PCDHGA7: variants seen among roughly 807,000 people sequenced by gnomAD.
The protein encoded by PCDHGA7 is protocadherin gamma subfamily A, 7, also known as protocadherin gamma-A7.
A neutral mutation model predicts 58.3 loss-of-function variants in PCDHGA7; 44 were observed. The observed-to-expected ratio is 0.75, with a 90% CI of 0.59 to 0.97. PCDHGA7 has a LOEUF of 0.97. PCDHGA7 is among the 50% of genes least tolerant of loss of function. The pLI is 0.00. For missense variants in PCDHGA7, 1,266 were observed against 1,188.7 expected (o/e 1.06, Z -0.96); for synonymous variants, 516 against 504.2 (o/e 1.02, Z -0.31).
chr5:141,471,562 G>T (rs2099259935), intron 1 of PCDHGA7: 1 of 152,136 alleles, frequency 6.6e-6, no homozygotes, highest in Non-Finnish European at 1.5e-5. Flanking sequence ...TTGACTCAGG[G>T]GTAGCAGTAG....
intron 2 of PCDHGA7, among the ~76,000 whole-genome samples, chr5:141,504,036 G>T (rs1472706342): frequency 6.6e-6 from 1 of 152,080 alleles, no homozygotes; most frequent in African/African-American, 2.4e-5. Flanking sequence ...ACTCATTTAG[G>T]CAACAAATAT....
chr5:141,405,595 A>C (rs1255161296), intron 1 of PCDHGA7: 1 of 578,138 alleles, frequency 1.7e-6, no homozygotes, highest in Non-Finnish European at 3.1e-6. Flanking sequence ...CAGGCCTCCC[A>C]AGTAGAATAA....
rs375915850 is a variant in PCDHGA7, at chr5:141,397,975, G to A, written c.2424+12652G>A. The A allele has an allele frequency of 2.3e-4, 272 of 1,189,006 alleles. 1 individual carries two copies. Among genetic ancestry groups the A allele is most frequent in the African/African-American group, 9.9e-4 (64 of 64,918 alleles). 73.7% of individuals were successfully genotyped at this position (1,189,006 alleles called of 1,614,324 possible). ...GCCCCAGCTCAGACTCCCCAGCGCC[G>A]GCCTTTACACCGCTTCCTCCTCGGA... On this transcript the variant is annotated intron_variant, in intron 1 of 3. Transcript: ENST00000518325.
intron 1 of PCDHGA7, chr5:141,389,727 T>C (rs1176419914): frequency 4.3e-6 from 7 of 1,612,724 alleles, no homozygotes; most frequent in Non-Finnish European, 5.9e-6. Context: ...GCCCGGGCTC[T>C]TCAGCCTGGG....
chr5:141,482,767 A>AGCTAGTACTATAATTATTTTTATTAGTTC (rs1370824281), intron 1 of PCDHGA7, among the ~76,000 whole-genome samples: 2 of 150,588 alleles, frequency 1.3e-5, no homozygotes, highest in African/African-American at 2.5e-5. Context: ...TTTCATTATC[A>AGCTAGTACTATAATTATTTTTATTAGTTC]CTGAACCTTA....
At chr5:141,399,959 G>A (rs1257286209) in intron 1 of PCDHGA7, 4 of 1,612,230 alleles carry the variant, frequency 2.5e-6, no homozygotes, top group South Asian at 1.1e-5. Flanking sequence ...AGCGAGCCCG[G>A]GCTCTTCAGC....
intron 1 of PCDHGA7, chr5:141,394,899 G>A: frequency 6.2e-7 from 1 of 1,613,804 alleles, no homozygotes; most frequent in Admixed American, 1.7e-5. Context: ...TCTCGTGGTG[G>A]CAGTGGCTGC....
intron 1 of PCDHGA7, chr5:141,415,488 C>T: frequency 1.9e-6 from 3 of 1,614,220 alleles, no homozygotes; most frequent in Non-Finnish European, 2.5e-6. Context: ...GAAAGAGTCA[C>T]CTGATCTTCC....
intron 1 of PCDHGA7, chr5:141,408,465 A>C: frequency 6.2e-7 from 1 of 1,613,960 alleles, no homozygotes. Context: ...CTTGTGAAGA[A>C]CCGAATAGAC....
chr5:141,446,043 A>T (rs1374577548), intron 1 of PCDHGA7, among the ~76,000 whole-genome samples: 2 of 152,226 alleles, frequency 1.3e-5, no homozygotes, highest in Non-Finnish European at 2.9e-5. Flanking sequence ...AAATGGAAGA[A>T]GAGCTGGCTT....
intron 1 of PCDHGA7, among the ~76,000 whole-genome samples, chr5:141,470,256 A>G (rs1043528709): frequency 6.6e-6 from 1 of 152,228 alleles, no homozygotes; most frequent in African/African-American, 2.4e-5. Flanking sequence ...ACCTGTCTAA[A>G]TGGAGATACA....
intron 1 of PCDHGA7, chr5:141,415,071 G>T: frequency 6.2e-7 from 1 of 1,613,422 alleles, no homozygotes; most frequent in East Asian, 2.2e-5. Flanking sequence ...AGGTGCGCAC[G>T]GCGCGAGCCC....
At chr5:141,475,571 G>A (rs1426547386) in intron 1 of PCDHGA7, among the ~76,000 whole-genome samples, 1 of 152,212 alleles carries the variant, frequency 6.6e-6, no homozygotes, top group East Asian at 1.9e-4. Context: ...CTTCCAACAA[G>A]CCAGATTTGT....
chr5:141,418,282 A>C, intron 1 of PCDHGA7: 1 of 1,614,030 alleles, frequency 6.2e-7, no homozygotes, highest in Non-Finnish European at 8.5e-7. Flanking sequence ...TAAACTTAGA[A>C]ATCAGTGAAT....
At position 141,493,093 on chromosome 5, in the gene PCDHGA7, A is replaced by G. The variant is rs78102761; in HGVS notation, c.2425-1714A>G. On this transcript the variant is annotated intron_variant, in intron 1 of 3. Transcript: ENST00000518325. The surrounding 1 kb of genome is among the most constrained non-coding windows in gnomAD (Gnocchi z 4.3). ...CTCCAACTCCAGGAGCTTTTATTCA[A>G]AATATATCAATGCCTAACTCTGCTC... 0.034 allele frequency among the ~76,000 whole-genome samples: 5,198 copies of G among 152,282 alleles called. 159 individuals carry two copies. Among genetic ancestry groups the G allele is most frequent in the African/African-American group, 0.079 (3,275 of 41,546 alleles).
intron 1 of PCDHGA7, chr5:141,395,547 TGTGTGTGTGTGTG>T (rs2093269474): frequency 0.024 from 4,142 of 174,004 alleles, 329 homozygotes; most frequent in East Asian, 0.047. Flanking sequence ...ATTGTTTGTG[TGTGTGTGTGTGTG>T]TGTGTGTGTG....
At chr5:141,423,139 G>T (rs2096713828) in intron 1 of PCDHGA7, 4 of 1,613,498 alleles carry the variant, frequency 2.5e-6, no homozygotes, top group Non-Finnish European at 3.4e-6. Flanking sequence ...GGACAGAGAC[G>T]CGCTCAAGCA....
At chr5:141,394,419 G>C in intron 1 of PCDHGA7, 1 of 1,614,224 alleles carries the variant, frequency 6.2e-7, no homozygotes, top group East Asian at 2.2e-5. Context: ...AACAGCCAGC[G>C]ACAGCGGGGA....
chr5:141,400,636 G>T (rs1478195116), intron 1 of PCDHGA7: 4 of 1,325,644 alleles, frequency 3.0e-6, no homozygotes, highest in Non-Finnish European at 4.2e-6. Context: ...AGTCAGAGCT[G>T]CTCAGAAAGC....
Sources: allele counts gnomAD v4.1 joint callset (sites outside exome capture counted in the v4.1 genomes callset), GRCh38; gene constraint gnomAD v4.1.1; non-coding constraint Gnocchi (gnomAD v3.1); transcripts MANE v1.5; gene names NCBI Gene and HGNC (gene_info 2026-07-23, HGNC 2026-07-21).